The following L3MBTL4 variants were observed in gnomAD, a reference collection of about 807,000 sequenced individuals.
L3MBTL4 encodes L3MBTL histone methyl-lysine binding protein 4, also known as lethal(3)malignant brain tumor-like protein 4.
Under a neutral mutation model 84.5 loss-of-function variants are expected in L3MBTL4, and 70 were observed. The ratio of observed to expected loss-of-function variants is 0.83; its 90% CI spans 0.68 to 1.01. L3MBTL4 has a LOEUF of 1.01. Ranked by LOEUF, L3MBTL4 falls within the 50% of genes least tolerant of loss-of-function variation. The probability of loss-of-function intolerance (pLI) is 0.00; values close to 1 mark genes in which losing one functional copy is unlikely to be tolerated. For missense variants in L3MBTL4, 715 were observed against 754.8 expected, an observed-to-expected ratio of 0.95 and a Z score of 0.62; for synonymous variants, 274 against 259.8, an observed-to-expected ratio of 1.05 and a Z score of -0.52.
intron 1 of L3MBTL4, chr18:6,397,012 T>A (rs923796036): frequency 6.6e-6 from 1 of 152,192 alleles, no homozygotes; most frequent in African/African-American, 2.4e-5. Context: ...TTAGGAATTC[T>A]GAGAAACTAA....
chr18:5,965,520 C>T (rs916738850), intron 17 of L3MBTL4, among the ~76,000 whole-genome samples: 2 of 152,136 alleles, frequency 1.3e-5, no homozygotes, highest in Non-Finnish European at 2.9e-5. Context: ...TGAGCCCCCA[C>T]CAGTCCAGCT....
intron 18 of L3MBTL4, among the ~76,000 whole-genome samples, chr18:5,958,109 G>A (rs866734673): frequency 4.3e-5 from 4 of 92,850 alleles, no homozygotes; most frequent in Admixed American, 3.4e-4. Flanking sequence ...AGAAGAAGAA[G>A]AAGAAGAAGA....
Position 6,199,835 on chromosome 18 carries a change from C to T in L3MBTL4, c.981+13314G>A, listed in dbSNP as rs144796115. Among the ~76,000 whole-genome samples, 464 of 152,272 alleles carry T rather than the reference C, an allele frequency of 3.0e-3. 2 individuals carry two copies. Among genetic ancestry groups the T allele is most frequent in the African/African-American group, 9.8e-3 (407 of 41,562 alleles). ...AATGTTGTAGCACAAAATTTGCTTA[C>T]GGGTGATAGCAGAGAATTATAAAAA... is the stretch of plus-strand genomic sequence containing the variant. On this transcript the variant is annotated intron_variant, in intron 12 of 18. Coordinates refer to ENST00000317931, the MANE Select transcript of L3MBTL4 (RefSeq NM_001330559.2).
chr18:6,155,482 C>T (rs1365659313), intron 13 of L3MBTL4, among the ~76,000 whole-genome samples: 2 of 152,132 alleles, frequency 1.3e-5, no homozygotes, highest in Non-Finnish European at 2.9e-5. Flanking sequence ...AAGAAAAGAT[C>T]TATGGTTCTC....
intron 4 of L3MBTL4, among the ~76,000 whole-genome samples, chr18:6,298,685 C>T (rs1241989767): frequency 2.6e-5 from 4 of 152,034 alleles, no homozygotes; most frequent in African/African-American, 2.4e-5. Context: ...CCAGCCTGGC[C>T]GATATGGTGA....
intron 13 of L3MBTL4, among the ~76,000 whole-genome samples, chr18:6,149,434 A>T (rs1598912403): frequency 6.6e-6 from 1 of 151,640 alleles, no homozygotes; most frequent in South Asian, 2.1e-4. Flanking sequence ...ACATTTTCTT[A>T]ATCCAGTCTA....
chr18:6,362,665 T>C (rs921871833), intron 1 of L3MBTL4, among the ~76,000 whole-genome samples: 2 of 152,218 alleles, frequency 1.3e-5, no homozygotes, highest in Non-Finnish European at 2.9e-5. Flanking sequence ...ATCTCTGACT[T>C]TAAAATGTGC....
Position 6,119,501 on chromosome 18 carries a change from A to AG in L3MBTL4, c.1199+18692dup, listed in dbSNP as rs201483607. The stretch of plus-strand genomic sequence containing the variant: ...ATTCTTAGATAAACGTGTGGGTGGT[A>AG]GGGGTGAGAGAAAGAGGCAGGGTGT... On this transcript the variant is annotated intron_variant, in intron 14 of 18. Coordinates refer to ENST00000317931, the MANE Select transcript of L3MBTL4 (RefSeq NM_001330559.2). Among the ~76,000 whole-genome samples the AG allele has an allele frequency of 1.1e-4, 16 of 151,880 alleles. No individual in the cohort carries two copies. In the East Asian group the frequency reaches 2.7e-3, roughly 26 times the overall value.
chr18:6,127,442 A>G (rs2059731167), intron 14 of L3MBTL4, among the ~76,000 whole-genome samples: 1 of 152,210 alleles, frequency 6.6e-6, no homozygotes, highest in South Asian at 2.1e-4. Flanking sequence ...ATGACTTAGA[A>G]CAACTAGAGA....
chr18:6,031,124 T>C (rs1341251469), intron 16 of L3MBTL4: 2 of 985,346 alleles, frequency 2.0e-6, no homozygotes, highest in African/African-American at 3.5e-5. Flanking sequence ...AAGCCACACG[T>C]GATCCAAGTT....
At chr18:6,010,648 G>A (rs190135997) in intron 16 of L3MBTL4, among the ~76,000 whole-genome samples, 4 of 152,090 alleles carry the variant, frequency 2.6e-5, no homozygotes, top group Admixed American at 6.5e-5. Context: ...TATCCTCCCC[G>A]CAACCCGCTT....
Position 6,327,916 on chromosome 18 carries a change from G to A in L3MBTL4, c.-90-15860C>T, listed in dbSNP as rs374510391. On this transcript the variant is annotated intron_variant, in intron 1 of 18. Transcript: ENST00000317931. ...CTGAATATCATCATCAAGTAACCACGTTATGTACTCCCTCAACAGCAATCA... is the reference window on the plus strand; with the variant it reads ...CTGAATATCATCATCAAGTAACCACATTATGTACTCCCTCAACAGCAATCA... Among the ~76,000 whole-genome samples, 422 of 152,182 alleles carry A rather than the reference G, an allele frequency of 2.8e-3. 2 individuals are homozygous for A. The highest frequency in any genetic ancestry group is 0.015 in the South Asian group (70 of 4,822).
At chr18:6,364,407 C>A (rs2053843580) in intron 1 of L3MBTL4, among the ~76,000 whole-genome samples, 1 of 151,582 alleles carries the variant, frequency 6.6e-6, no homozygotes, top group Non-Finnish European at 1.5e-5. Context: ...ACCTTTGGGT[C>A]CTTAGTAGTT....
At chr18:6,016,800 G>A (rs1021124503) in intron 16 of L3MBTL4, among the ~76,000 whole-genome samples, 2 of 152,226 alleles carry the variant, frequency 1.3e-5, no homozygotes, top group African/African-American at 2.4e-5. Flanking sequence ...TTTTCCTGGT[G>A]AGGATGATAG....
At chr18:6,396,362 C>T (rs2055268819) in intron 1 of L3MBTL4, 2 of 152,582 alleles carry the variant, frequency 1.3e-5, no homozygotes, top group Admixed American at 6.5e-5. Context: ...TGGAAGGTGC[C>T]CCTGGCAGGG....
intron 16 of L3MBTL4, chr18:6,030,705 G>T (rs1004981776): frequency 2.1e-6 from 2 of 972,580 alleles, no homozygotes; most frequent in Non-Finnish European, 2.4e-6. Flanking sequence ...TTTTTTCTTT[G>T]TATTTAGTTT....
intron 1 of L3MBTL4, among the ~76,000 whole-genome samples, chr18:6,345,638 T>A (rs2052861080): frequency 6.6e-6 from 1 of 152,100 alleles, no homozygotes; most frequent in Non-Finnish European, 1.5e-5. Context: ...AAATCTACAC[T>A]GAAAGCTGTA....
At position 6,285,831 on chromosome 18, in the gene L3MBTL4, T is replaced by C. The variant is rs903141278; in HGVS notation, c.127+16072A>G. Among the ~76,000 whole-genome samples the C allele has an allele frequency of 6.1e-5, 9 of 146,594 alleles. No homozygotes were observed. In the South Asian group the frequency reaches 6.5e-4, roughly 11 times the overall value. ...GATATATTATTATTATTATTATTAT[T>C]ATTATTATTATTATTTTCCTAAGAC... On this transcript the variant is annotated intron_variant, in intron 4 of 18. Transcript: ENST00000317931.
chr18:6,043,960 G>C (rs752904923), intron 16 of L3MBTL4, among the ~76,000 whole-genome samples: 1 of 152,106 alleles, frequency 6.6e-6, no homozygotes, highest in Non-Finnish European at 1.5e-5. Context: ...ACTACAGTTT[G>C]GTTGACTGTC....
Sources: allele counts gnomAD v4.1 joint callset (sites outside exome capture counted in the v4.1 genomes callset), GRCh38; gene constraint gnomAD v4.1.1; transcripts MANE v1.5; gene names NCBI Gene and HGNC (gene_info 2026-07-23, HGNC 2026-07-21).